Variants in ADGRL3 observed in about 807,000 individuals in gnomAD.
ADGRL3 encodes adhesion G protein-coupled receptor L3, also known as calcium-independent alpha-latrotoxin receptor 3.
ADGRL3 carries 62 observed loss-of-function variants against 153.5 expected under a neutral mutation model. The ratio of observed to expected loss-of-function variants is 0.40; its 90% CI spans 0.33 to 0.50. The LOEUF (loss-of-function observed/expected upper bound fraction) is 0.50. Among genes scored for constraint, ADGRL3 ranks in the 20% least tolerant of loss-of-function variants. The pLI is 0.47. For missense variants in ADGRL3, 1,641 were observed against 1,859.4 expected, an observed-to-expected ratio of 0.88 and a Z score of 2.16; for synonymous variants, 710 against 672.5, an observed-to-expected ratio of 1.06 and a Z score of -0.86.
At chr4:61,643,860 C>A (rs1207347037) in intron 5 of ADGRL3, among the ~76,000 whole-genome samples, 7 of 146,734 alleles carry the variant, frequency 4.8e-5, no homozygotes, top group Middle Eastern at 3.5e-3. Flanking sequence ...TTTCAGAAGG[C>A]ATGGTACCAG....
At chr4:61,359,321 G>C (rs911035277) in intron 1 of ADGRL3, among the ~76,000 whole-genome samples, 3 of 152,130 alleles carry the variant, frequency 2.0e-5, no homozygotes, top group Admixed American at 1.3e-4. Context: ...TTACTCCTCT[G>C]CTCAGAATCT....
At position 61,202,242 on chromosome 4, in the gene ADGRL3, G is replaced by A. The variant is rs1735039930; in HGVS notation, c.-240+477G>A. On this transcript the variant is annotated intron_variant, in intron 1 of 26. Coordinates refer to ENST00000683033, the MANE Select transcript of ADGRL3 (RefSeq NM_001387552.1). This position sits in a 1 kb window ranked among gnomAD's most constrained non-coding sequence, Gnocchi z 5.0. ...ACGGACAGGGTCTGGGTGAGAAGCTGGGCTCTGGGAAGATGGAAAATGCAG... is the reference window on the plus strand; with the variant it reads ...ACGGACAGGGTCTGGGTGAGAAGCTAGGCTCTGGGAAGATGGAAAATGCAG... 1 of 152,860 alleles carries A rather than the reference G, an allele frequency of 6.5e-6. No individual in the cohort carries two copies. The highest frequency in any genetic ancestry group is 1.5e-5 in the Non-Finnish European group (1 of 68,604). 9.5% of individuals were successfully genotyped at this position (152,860 alleles called of 1,614,324 possible).
chr4:61,497,401 A>C (rs1055028149), intron 3 of ADGRL3, 53 bp downstream of exon 3: 3 of 1,139,640 alleles, frequency 2.6e-6, no homozygotes, highest in Non-Finnish European at 3.9e-6. Context: ...ACTTATTCAT[A>C]CTGGACACTT....
chr4:61,899,978 A>G (rs1238237426), intron 11 of ADGRL3, among the ~76,000 whole-genome samples: 3 of 152,150 alleles, frequency 2.0e-5, no homozygotes, highest in Non-Finnish European at 4.4e-5. Context: ...TGAATTTTGG[A>G]AGGACACAAA....
chr4:61,304,902 T>C (rs1244996113), intron 1 of ADGRL3, among the ~76,000 whole-genome samples: 1 of 152,210 alleles, frequency 6.6e-6, no homozygotes, highest in Non-Finnish European at 1.5e-5. Context: ...CTGATAGTCC[T>C]AGAAGTGAAT....
Position 61,244,230 on chromosome 4 carries a change from G to T in ADGRL3, c.-240+42465G>T, listed in dbSNP as rs78516528. 1.1e-4 allele frequency among the ~76,000 whole-genome samples: 16 copies of T among 152,164 alleles called. No homozygotes were observed. In the South Asian group the frequency reaches 3.3e-3, roughly 32 times the overall value. ...TTGTGTTTTACTGGTAAGAAAAACAGTAGAGCAGAGGGGATTAGACTTGTA... is the reference window on the plus strand; with the variant it reads ...TTGTGTTTTACTGGTAAGAAAAACATTAGAGCAGAGGGGATTAGACTTGTA... On this transcript the variant is annotated intron_variant, in intron 1 of 26. Transcript: ENST00000683033.
chr4:61,982,082 C>T (rs1449941105), intron 18 of ADGRL3, among the ~76,000 whole-genome samples: 5 of 151,994 alleles, frequency 3.3e-5, no homozygotes, highest in Admixed American at 2.6e-4. Flanking sequence ...TGTTATTTTC[C>T]AAGAATGTAT....
At chr4:61,566,667 A>T (rs1418763343) in intron 4 of ADGRL3, among the ~76,000 whole-genome samples, 1 of 152,106 alleles carries the variant, frequency 6.6e-6, no homozygotes, top group African/African-American at 2.4e-5. Flanking sequence ...ATATATAATA[A>T]ATAAAGCTAA....
chr4:61,423,738 C>T (rs1381710247), intron 2 of ADGRL3, among the ~76,000 whole-genome samples: 1 of 152,058 alleles, frequency 6.6e-6, no homozygotes, highest in African/African-American at 2.4e-5. Context: ...GCTGAAAGTC[C>T]TGGTTGTGTT....
chr4:61,500,433 C>T (rs975406996), intron 3 of ADGRL3, among the ~76,000 whole-genome samples: 2 of 152,062 alleles, frequency 1.3e-5, no homozygotes, highest in Non-Finnish European at 2.9e-5. Context: ...GAAAAATGTA[C>T]CTTTGATCAA....
intron 6 of ADGRL3, among the ~76,000 whole-genome samples, chr4:61,727,197 A>G (rs2096363910): frequency 6.6e-6 from 1 of 152,170 alleles, no homozygotes. Context: ...TATAGAGGAA[A>G]ATTTACTAGT....
At chr4:62,005,941 T>A (rs2099155831) in intron 21 of ADGRL3, among the ~76,000 whole-genome samples, 1 of 142,754 alleles carries the variant, frequency 7.0e-6, no homozygotes, top group African/African-American at 2.6e-5. Context: ...ATTTTATTTA[T>A]ATATATACAT....
intron 13 of ADGRL3, among the ~76,000 whole-genome samples, chr4:61,923,765 A>T (rs2098781573): frequency 2.0e-5 from 3 of 152,054 alleles, no homozygotes; most frequent in African/African-American, 7.2e-5. Context: ...TAACACTCTC[A>T]GTTTTCCTCT....
chr4:61,227,501 G>T (rs1035995669), intron 1 of ADGRL3, among the ~76,000 whole-genome samples: 10 of 152,090 alleles, frequency 6.6e-5, no homozygotes, highest in Non-Finnish European at 1.5e-4. Context: ...AAGCCATGGT[G>T]CCCAGCCCTC....
intron 17 of ADGRL3, among the ~76,000 whole-genome samples, chr4:61,963,259 T>G (rs75880163): frequency 6.6e-6 from 1 of 152,100 alleles, no homozygotes; most frequent in African/African-American, 2.4e-5. Flanking sequence ...ATTTTTTTTT[T>G]CCTTTCCAAC....
At chr4:61,411,689 T>C (rs2097089967) in intron 2 of ADGRL3, among the ~76,000 whole-genome samples, 1 of 152,202 alleles carries the variant, frequency 6.6e-6, no homozygotes, top group South Asian at 2.1e-4. Flanking sequence ...CTCTTAACTT[T>C]ATTAAATTAT....
chr4:61,751,847 G>A (rs1225248262), intron 8 of ADGRL3, among the ~76,000 whole-genome samples: 1 of 152,016 alleles, frequency 6.6e-6, no homozygotes, highest in Non-Finnish European at 1.5e-5. Context: ...TGGTGGAAAT[G>A]GTGAAAAGTA....
At chr4:61,969,197 G>A (rs1462316095) in intron 17 of ADGRL3, among the ~76,000 whole-genome samples, 1 of 152,102 alleles carries the variant, frequency 6.6e-6, no homozygotes, top group African/African-American at 2.4e-5. Context: ...GGTGTGTTGA[G>A]CAATCAAGGG....
At chr4:61,453,557 T>A (rs1406250536) in intron 2 of ADGRL3, among the ~76,000 whole-genome samples, 1 of 152,102 alleles carries the variant, frequency 6.6e-6, no homozygotes, top group Non-Finnish European at 1.5e-5. Context: ...TGGGTTAAAA[T>A]CAAAACAATC....
Sources: gnomAD v4.1 joint callset for allele counts (sites outside exome capture counted in the v4.1 genomes callset) on GRCh38, gnomAD v4.1.1 for gene constraint, Gnocchi (gnomAD v3.1) non-coding constraint, MANE v1.5 for transcripts, NCBI Gene and HGNC (gene_info 2026-07-23, HGNC 2026-07-21) for gene names.